Variants in FRRS1 observed in about 807,000 individuals in gnomAD.
FRRS1 encodes the protein ferric chelate reductase 1.
A neutral mutation model predicts 70.7 loss-of-function variants in FRRS1; 51 were observed. The ratio of observed to expected loss-of-function variants is 0.72; its 90% confidence interval spans 0.58 to 0.91. The LOEUF (loss-of-function observed/expected upper bound fraction) is 0.91, where lower values mean the gene tolerates loss of function less well. Ranked by LOEUF, FRRS1 falls within the 40% of genes least tolerant of loss-of-function variation. FRRS1 has a pLI of 0.00. For synonymous variants in FRRS1, 225 were observed against 238.7 expected, an observed-to-expected ratio of 0.94 and a Z score of 0.53; for missense variants, 672 against 726.0, an observed-to-expected ratio of 0.93 and a Z score of 0.86.
chr1:99,743,918 T>C (rs1006185590), intron 4 of FRRS1, among the ~76,000 whole-genome samples: 1 of 152,076 alleles, frequency 6.6e-6, no homozygotes, highest in African/African-American at 2.4e-5. Context: ...GTGCCACTAG[T>C]GATGCGGTAA....
At chr1:99,728,377 T>C (rs1655170424) in intron 9 of FRRS1, 116 bp downstream of exon 9, 3 of 886,380 alleles carry the variant, frequency 3.4e-6, no homozygotes, top group South Asian at 1.9e-5. Context: ...TTGACATTTA[T>C]AGGAAAGCGT....
In FRRS1 at chr1:99,723,664, C is replaced by T. The variant is rs115447591; in HGVS notation, c.1007-4017G>A. On this transcript the variant is annotated intron_variant, in intron 9 of 16. Coordinates refer to ENST00000646001, the MANE Select transcript of FRRS1 (RefSeq NM_001361041.2). ...AACCTATTATAAAGCAATAGCAATT[C>T]TAACTAATGCAGGAATAGACAAATA... Among the ~76,000 whole-genome samples the T allele has an allele frequency of 4.0e-3, 609 of 152,278 alleles. 6 individuals are homozygous for T. The highest frequency in any genetic ancestry group is 0.014 in the African/African-American group (581 of 41,548).
At chr1:99,710,576 C>A (rs1473521869) in intron 15 of FRRS1, among the ~76,000 whole-genome samples, 2 of 152,126 alleles carry the variant, frequency 1.3e-5, no homozygotes, top group African/African-American at 4.8e-5. Flanking sequence ...AAGGAAGACT[C>A]CCTGCCTAAA....
intron 1 of FRRS1, chr1:99,765,914 T>C (rs1657334698): frequency 6.6e-6 from 1 of 151,494 alleles, no homozygotes; most frequent in Admixed American, 6.6e-5. Flanking sequence ...CAAAAATAAA[T>C]GAATAAATAA....
intron 6 of FRRS1, among the ~76,000 whole-genome samples, chr1:99,740,426 A>C (rs1655899783): frequency 6.6e-6 from 1 of 152,248 alleles, no homozygotes; most frequent in African/African-American, 2.4e-5. Context: ...TACCCAGCAC[A>C]GCTACTTCTC....
At chr1:99,709,326 A>T (rs1654169190) in intron 15 of FRRS1, 67 bp from the exon 16 acceptor site, 1 of 1,170,166 alleles carries the variant, frequency 8.5e-7, no homozygotes, top group Non-Finnish European at 1.3e-6. Flanking sequence ...TTTTTAAAAA[A>T]ACCTGATTTG....
chr1:99,765,932 A>G (rs577312197), intron 1 of FRRS1: 1 of 152,228 alleles, frequency 6.6e-6, no homozygotes, highest in Non-Finnish European at 1.5e-5. Context: ...TAAATAAATA[A>G]AAATAAAAAA....
chr1:99,708,628 ATATATATATATATATATAT>A lies in FRRS1; in HGVS notation c.*381_*399del, dbSNP rs1654125628. ...AAAAAAAAAAAAAAAAAAAAAAAATATATATATATATATATATATATATATATATATATATCGTAATATA... is the reference window on the plus strand; with the variant it reads ...AAAAAAAAAAAAAAAAAAAAAAAATAATATATATATATATATCGTAATATA... On this transcript the variant is annotated 3_prime_UTR_variant, in exon 17 of 17. Transcript: ENST00000646001. 5.7e-5 allele frequency: 2 copies of A among 35,230 alleles called. No individual in the cohort carries two copies. The highest frequency in any genetic ancestry group is 1.0e-4 in the Non-Finnish European group (2 of 19,264). 2.2% of individuals were successfully genotyped at this position (35,230 alleles called of 1,614,324 possible).
intron 8 of FRRS1, 51 bp from the exon 9 acceptor site, chr1:99,728,691 A>C (rs758809042): frequency 1.9e-6 from 3 of 1,539,302 alleles, no homozygotes; most frequent in Non-Finnish European, 2.7e-6. Context: ...GATTTGCTAA[A>C]AATAAGATAT....
At chr1:99,764,380 T>C (rs1480624647) in intron 1 of FRRS1, among the ~76,000 whole-genome samples, 1 of 152,206 alleles carries the variant, frequency 6.6e-6, no homozygotes, top group African/African-American at 2.4e-5. Context: ...CCCTTTATAA[T>C]GTGCATTTTT....
chr1:99,747,949 A>G (rs996792146), intron 3 of FRRS1: 1 of 152,648 alleles, frequency 6.6e-6, no homozygotes, highest in Non-Finnish European at 1.5e-5. Context: ...GTGACACTCA[A>G]TAAATTCTTA....
In FRRS1 at chr1:99,740,880, T is replaced by C; in HGVS notation, c.489A>G (p.Ser163=). The C allele has an allele frequency of 6.2e-7, 1 of 1,611,184 alleles. No individual in the cohort carries two copies. The highest frequency in any genetic ancestry group is 8.5e-7 in the Non-Finnish European group (1 of 1,177,366). The change falls in exon 6 of 17, where the codon TCA becomes TCG. Residue 163 remains serine (S), a synonymous_variant. Coordinates refer to ENST00000646001, the MANE Select transcript of FRRS1 (RefSeq NM_001361041.2). The part of the protein sequence containing the change: ...YWVKIPGPII[S]QPNAFPFTTP... ...TTGTAAAAGGAAATGCATTTGGTTG[T>C]GAAATTATAGGACCAGGAATCTTCA...
chr1:99,761,445 A>G (rs1266059193), intron 1 of FRRS1, among the ~76,000 whole-genome samples: 1 of 152,054 alleles, frequency 6.6e-6, no homozygotes, highest in African/African-American at 2.4e-5. Context: ...CATTTTCTTT[A>G]TTCATTTTCT....
intron 7 of FRRS1, among the ~76,000 whole-genome samples, chr1:99,735,945 T>A (rs1350540428): frequency 6.6e-6 from 1 of 152,214 alleles, no homozygotes; most frequent in Non-Finnish European, 1.5e-5. Context: ...AAGTTGGATT[T>A]TTTTTTAAGT....
chr1:99,740,937 G>A lies in FRRS1; in HGVS notation c.432C>T (p.Val144=), dbSNP rs750230178. 1.4e-5 allele frequency: 23 copies of A among 1,610,994 alleles called. No homozygotes were observed. The highest frequency in any genetic ancestry group is 2.0e-5 in the Non-Finnish European group (23 of 1,177,406). The part of the protein sequence containing the change: ...SSAPNHTQFL[V]TVVEKYKIYW... Reference sequence around the variant, plus strand: ...AGATTTTATACTTCTCAACAACTGTGACTCTGAAATGCAATACCAGTGAGA... The same window carrying A: ...AGATTTTATACTTCTCAACAACTGTAACTCTGAAATGCAATACCAGTGAGA... Residue 144 remains valine, a synonymous_variant, in exon 6 of 17, where the codon GTC becomes GTT. Coordinates refer to ENST00000646001, the MANE Select transcript of FRRS1 (RefSeq NM_001361041.2).
At chr1:99,732,754 T>G (rs1190756350) in intron 7 of FRRS1, among the ~76,000 whole-genome samples, 1 of 152,124 alleles carries the variant, frequency 6.6e-6, no homozygotes, top group Non-Finnish European at 1.5e-5. Context: ...AGCACCATGC[T>G]TTAAGAAAAG....
rs1244037659 is a variant in FRRS1, at chr1:99,748,592, C to A, written c.177G>T (p.Arg59Ser). ...HDIYVSQMTF[R>S]PGDQIEVTLS... ...CGGTACCTTCAATCTGATCTCCTGGCCTGAATGTCATCTGACTCACGTAAA... is the reference window on the plus strand; with the variant it reads ...CGGTACCTTCAATCTGATCTCCTGGACTGAATGTCATCTGACTCACGTAAA... The change falls in exon 3 of 17, where the codon AGG (arginine) becomes AGT (serine). Residue 59 changes from arginine to serine, a missense_variant. By Grantham distance (110) the Arg-to-Ser change is moderately radical (BLOSUM62 -1). Coordinates refer to ENST00000646001, the MANE Select transcript of FRRS1 (RefSeq NM_001361041.2). The A allele has an allele frequency of 1.2e-6, 2 of 1,613,908 alleles. No individual in the cohort carries two copies. The highest frequency in any genetic ancestry group is 1.7e-5 in the Admixed American group (1 of 60,018).
Position 99,719,648 on chromosome 1 carries a change from C to G in FRRS1, c.1007-1G>C, listed in dbSNP as rs1428064035. The stretch of plus-strand genomic sequence containing the variant: ...TGCTGAGAGTGCTTGTAAATTCGAC[C>G]TGCAAATTAAAAACAAAATTAAACA... On this transcript the variant is annotated splice_acceptor_variant, in intron 9 of 16. Coordinates refer to ENST00000646001, the MANE Select transcript of FRRS1 (RefSeq NM_001361041.2). LOFTEE classifies it high-confidence loss of function. The G allele has an allele frequency of 6.6e-7, 1 of 1,509,056 alleles. No homozygotes were observed. Among genetic ancestry groups the G allele is most frequent in the Admixed American group, 1.7e-5 (1 of 57,486 alleles). 93.5% of individuals were successfully genotyped at this position (1,509,056 alleles called of 1,614,324 possible).
At chr1:99,724,791 T>C (rs892549044) in intron 9 of FRRS1, among the ~76,000 whole-genome samples, 7 of 143,556 alleles carry the variant, frequency 4.9e-5, no homozygotes, top group Admixed American at 2.8e-4. Flanking sequence ...CTGTACCAGT[T>C]AAAAAAAAAA....
Sources: allele counts gnomAD v4.1 joint callset (sites outside exome capture counted in the v4.1 genomes callset), GRCh38; gene constraint gnomAD v4.1.1; transcripts MANE v1.5; gene names NCBI Gene and HGNC (gene_info 2026-07-23, HGNC 2026-07-21).